Variants in SYNPO2 observed in about 807,000 individuals in gnomAD.
SYNPO2 encodes synaptopodin-2.
In SYNPO2, 56 loss-of-function variants were observed where a neutral mutation model predicts 85.0. The observed-to-expected ratio is 0.66, with a 90% CI of 0.53 to 0.82. The LOEUF (loss-of-function observed/expected upper bound fraction) is 0.82. SYNPO2 is among the 40% of genes least tolerant of loss of function. The pLI is 0.00. For missense variants in SYNPO2, 1,575 were observed against 1,534.2 expected (o/e 1.03, Z -0.44); for synonymous variants, 602 against 591.1 (o/e 1.02, Z -0.27).
Position 119,029,947 on chromosome 4 carries a change from C to T in SYNPO2, c.1172C>T (p.Ser391Phe), listed in dbSNP as rs771838174. ...LLLTDAPNPN[S>F]KGVLMFKKRR... The stretch of plus-strand genomic sequence containing the variant: ...CTAACGGATGCTCCCAACCCCAACT[C>T]CAAGGGGGTGTTGATGTTTAAGAAG... The change falls in exon 4 of 5, where the codon TCC becomes TTC. Residue 391 changes from serine (S) to phenylalanine (F), a missense_variant. Physicochemically the swap from Ser to Phe is radical, Grantham distance 155 (BLOSUM62 -2). Around this residue, in one of 3 missense-constraint regions of SYNPO2, gnomAD observed 1,508 missense variants for 1,446.8 expected, o/e 1.04. Transcript: ENST00000307142. The T allele has an allele frequency of 6.2e-7, 1 of 1,613,916 alleles. No homozygotes were observed. The highest frequency in any genetic ancestry group is 8.5e-7 in the Non-Finnish European group (1 of 1,179,996).
Position 119,030,515 on chromosome 4 carries a change from G to A in SYNPO2, c.1740G>A (p.Gln580=). The change falls in exon 4 of 5, where the codon CAG becomes CAA. Residue 580 remains glutamine, a synonymous_variant. Coordinates refer to ENST00000307142, the MANE Select transcript of SYNPO2 (RefSeq NM_133477.3). The stretch of plus-strand genomic sequence containing the variant: ...GGACATCTGAGACAGCAAACATCCA[G>A]AGGATGGTCCCCATGAATAGAACGG... ...FSGTSETANI[Q]RMVPMNRTAK... is the part of the protein sequence containing the mutation. The A allele has an allele frequency of 6.2e-7, 1 of 1,614,124 alleles. No homozygotes were observed. The highest frequency in any genetic ancestry group is 8.5e-7 in the Non-Finnish European group (1 of 1,179,986).
At position 118,964,297 on chromosome 4, in the gene SYNPO2, A is replaced by AACACAC. The variant is rs10523074; in HGVS notation, c.106-59094_106-59089dup. The stretch of plus-strand genomic sequence containing the variant: ...AACCCTGTCTCTACAAAACACACAC[A>AACACAC]ACACACACACACACACACACACACA... On this transcript the variant is annotated intron_variant, in intron 1 of 4. Transcript: ENST00000307142. 5.3e-3 allele frequency among the ~76,000 whole-genome samples: 744 copies of AACACAC among 140,700 alleles called. 7 individuals are homozygous for AACACAC. Among genetic ancestry groups the AACACAC allele is most frequent in the African/African-American group, 0.015 (564 of 37,126 alleles). The allele number at this position is 140,700 out of a possible 152,430, so 92.3% of individuals were successfully genotyped here.
chr4:119,040,842 G>A (rs1738687879), intron 4 of SYNPO2, among the ~76,000 whole-genome samples: 1 of 152,216 alleles, frequency 6.6e-6, no homozygotes, highest in African/African-American at 2.4e-5. Flanking sequence ...GCAGCTCACA[G>A]CTGTCCTTAT....
upstream of SYNPO2, among the ~76,000 whole-genome samples, chr4:118,885,682 A>T (rs1732187205): frequency 6.6e-6 from 1 of 152,166 alleles, no homozygotes; most frequent in African/African-American, 2.4e-5. Flanking sequence ...CATGTTGGCC[A>T]GGCTGGTCTT....
At chr4:119,054,130 G>A (rs73842543) in intron 4 of SYNPO2, among the ~76,000 whole-genome samples, 7,633 of 152,334 alleles carry the variant, frequency 0.05, 555 homozygotes, top group African/African-American at 0.16. Flanking sequence ...ATGAGTGAGT[G>A]AGTGTGGGAT....
chr4:118,907,515 C>T (rs755745140), intron 1 of SYNPO2, among the ~76,000 whole-genome samples: 18 of 152,202 alleles, frequency 1.2e-4, no homozygotes, highest in South Asian at 4.2e-4. Context: ...TTCCTTAAAC[C>T]GCTCATTTGG....
intron 1 of SYNPO2, among the ~76,000 whole-genome samples, chr4:118,920,886 T>C (rs967578250): frequency 6.6e-6 from 1 of 151,916 alleles, no homozygotes; most frequent in African/African-American, 2.4e-5. Flanking sequence ...CCTGATTTCT[T>C]TTCTTTTTTC....
At chr4:118,884,617 A>G (rs1324489982), upstream of SYNPO2, among the ~76,000 whole-genome samples, 8 of 152,188 alleles carry the variant, frequency 5.3e-5, no homozygotes, top group Admixed American at 5.2e-4. Flanking sequence ...GGTGGCCACT[A>G]CCTATTCCAC....
chr4:119,027,289 G>A lies in SYNPO2; in HGVS notation c.920G>A (p.Cys307Tyr), dbSNP rs371300653. 4 of 1,614,038 alleles carry A rather than the reference G, an allele frequency of 2.5e-6. No homozygotes were observed. The highest frequency in any genetic ancestry group is 3.4e-6 in the Non-Finnish European group (4 of 1,180,044). ...EGCRLQAGKE[C>Y]VDSPVEGGQS... The stretch of plus-strand genomic sequence containing the variant: ...TGCAGGCTTCAGGCAGGAAAGGAGT[G>A]TGTGGATTCTCCAGTGGAAGGAGGG... Residue 307 changes from cysteine to tyrosine, a missense_variant, in exon 3 of 5, where the codon TGT (cysteine) becomes TAT (tyrosine). By Grantham distance (194) the Cys-to-Tyr change is radical. Transcript: ENST00000307142.
chr4:118,888,555 C>T (rs1259491253), upstream of SYNPO2, among the ~76,000 whole-genome samples: 1 of 152,240 alleles, frequency 6.6e-6, no homozygotes, highest in Non-Finnish European at 1.5e-5. Context: ...GGACGTCATT[C>T]ATGGCGTGGA....
At chr4:119,011,760 A>G (rs1023601512) in intron 1 of SYNPO2, among the ~76,000 whole-genome samples, 5 of 152,186 alleles carry the variant, frequency 3.3e-5, no homozygotes, top group Admixed American at 3.3e-4. Flanking sequence ...GACACATGTC[A>G]GGTTGTGGGA....
At chr4:119,001,598 C>A (rs74586987) in intron 1 of SYNPO2, among the ~76,000 whole-genome samples, 4,549 of 152,132 alleles carry the variant, frequency 0.03, 216 homozygotes, top group African/African-American at 0.1. Flanking sequence ...ATCAAAAATG[C>A]AAGGATTTAT....
chr4:118,908,658 T>A (rs1733024049), intron 1 of SYNPO2, among the ~76,000 whole-genome samples: 1 of 152,118 alleles, frequency 6.6e-6, no homozygotes, highest in Non-Finnish European at 1.5e-5. Context: ...TAAAAAATAA[T>A]TAAATTCTGG....
intron 1 of SYNPO2, among the ~76,000 whole-genome samples, chr4:118,962,657 C>CATGTG (rs1735146273): frequency 6.6e-6 from 1 of 152,068 alleles, no homozygotes; most frequent in Non-Finnish European, 1.5e-5. Flanking sequence ...CCCCTTTCAT[C>CATGTG]ATGTGTTGAG....
At chr4:119,036,992 A>T in intron 4 of SYNPO2, 2 of 1,326,580 alleles carry the variant, frequency 1.5e-6, no homozygotes, top group Non-Finnish European at 1.9e-6. Flanking sequence ...TTTTGTTATT[A>T]ATATAGGTAA....
chr4:119,030,429 A>C lies in SYNPO2; in HGVS notation c.1654A>C (p.Lys552Gln), dbSNP rs1738177917. The change falls in exon 4 of 5, where the codon AAA becomes CAA. Residue 552 changes from lysine (K) to glutamine (Q), a missense_variant. Physicochemically the swap from Lys to Gln is moderately conservative, Grantham distance 53. Coordinates refer to ENST00000307142, the MANE Select transcript of SYNPO2 (RefSeq NM_133477.3). ...GGTAAGAACGCAGAGCTCTGTGAGC[A>C]AAAGCTACATCGAGGTGAGTCATGG... ...ESVRTQSSVS[K>Q]SYIEVSHGLG... The C allele has an allele frequency of 1.2e-6, 2 of 1,614,068 alleles. No homozygotes were observed. Among genetic ancestry groups the C allele is most frequent in the African/African-American group, 1.3e-5 (1 of 74,904 alleles).
Position 119,031,156 on chromosome 4 carries a change from C to T in SYNPO2, c.2381C>T (p.Thr794Ile). ...VAPTQPPAFP[T>I]SNPSKGTVVS... is the part of the protein sequence containing the mutation. ...CCCACCCAACCTCCTGCCTTCCCCA[C>T]ATCCAACCCATCAAAGGGCACCGTT... The change falls in exon 4 of 5, where the codon ACA becomes ATA. Residue 794 changes from threonine to isoleucine, a missense_variant. Transcript: ENST00000307142. The T allele has an allele frequency of 1.9e-6, 3 of 1,614,224 alleles. No individual in the cohort carries two copies.
intron 4 of SYNPO2, 130 bp from the exon 5 acceptor site, chr4:119,057,271 G>A: frequency 9.3e-7 from 1 of 1,069,758 alleles, no homozygotes; most frequent in Non-Finnish European, 1.3e-6. Flanking sequence ...AAGCATTCTG[G>A]GGGGTTAATT....
rs184015014 is a variant in SYNPO2 at position 118,883,668 on chromosome 4, C to G, written c.12+32728C>G. 4.7e-4 allele frequency among the ~76,000 whole-genome samples: 71 copies of G among 151,900 alleles called. No individual in the cohort carries two copies. In the Middle Eastern group the frequency reaches 0.017, roughly 37 times the overall value. ...GTTAGTCCCAGAAGACCATTGTCAA[C>G]ATGACTTTAGCCATTTTTTCTTTAG... On this transcript the variant is annotated intron_variant, in intron 1 of 4. Transcript: ENST00000610556.
Sources: gnomAD v4.1 joint callset for allele counts (sites outside exome capture counted in the v4.1 genomes callset) on GRCh38, gnomAD v4.1.1 for gene constraint, gnomAD v4.1.1 regional missense constraint, MANE v1.5 for transcripts, NCBI Gene and HGNC (gene_info 2026-07-23, HGNC 2026-07-21) for gene names.